The following ARNT2 variants were observed in gnomAD, a reference collection of about 807,000 sequenced individuals.
ARNT2 encodes aryl hydrocarbon receptor nuclear translocator 2.
Under a neutral mutation model 91.7 loss-of-function variants are expected in ARNT2, and 36 were observed. The ratio of observed to expected loss-of-function variants is 0.39; its 90% CI spans 0.30 to 0.52. The LOEUF is 0.52. ARNT2 is among the 20% of genes least tolerant of loss of function. The pLI, the probability that ARNT2 is intolerant of heterozygous loss-of-function variation, is 0.72. For missense variants in ARNT2, 775 were observed against 939.3 expected (o/e 0.83, Z 2.29); for synonymous variants, 365 against 347.1 (o/e 1.05, Z -0.57).
At chr15:80,435,844 A>G (rs556380164) in intron 1 of ARNT2, among the ~76,000 whole-genome samples, 1 of 151,826 alleles carries the variant, frequency 6.6e-6, no homozygotes, top group East Asian at 1.9e-4. Context: ...TGTCAAAAAT[A>G]TGTGTTGATG....
intron 17 of ARNT2, among the ~76,000 whole-genome samples, chr15:80,585,974 A>T (rs1898889176): frequency 6.6e-6 from 1 of 152,232 alleles, no homozygotes; most frequent in African/African-American, 2.4e-5. Context: ...TAGTTTCAGT[A>T]TCATGAAACA....
chr15:80,521,322 G>A (rs930883969), intron 8 of ARNT2, among the ~76,000 whole-genome samples: 20 of 152,068 alleles, frequency 1.3e-4, no homozygotes, highest in Non-Finnish European at 2.6e-4. Context: ...CAGGAGAAGA[G>A]TTAAAGCATA....
At chr15:80,574,282 C>T (rs996380272) in intron 13 of ARNT2, 62 bp downstream of exon 13, 1 of 1,496,330 alleles carries the variant, frequency 6.7e-7, no homozygotes, top group East Asian at 2.3e-5. Context: ...ACTTGGGACT[C>T]AATTCAGCCC....
intron 12 of ARNT2, among the ~76,000 whole-genome samples, chr15:80,571,239 C>T (rs2141474169): frequency 6.6e-6 from 1 of 152,306 alleles, no homozygotes; most frequent in Middle Eastern, 3.4e-3. Context: ...GAAAGTCAAG[C>T]AGAGACTGAC....
In ARNT2 at chr15:80,591,716, G is replaced by C; in HGVS notation, c.2055+12G>C. 1 of 1,613,588 alleles carries C rather than the reference G, an allele frequency of 6.2e-7. No homozygotes were observed. The highest frequency in any genetic ancestry group is 8.5e-7 in the Non-Finnish European group (1 of 1,179,698). The stretch of plus-strand genomic sequence containing the variant: ...CTGAAGTGTTCCAGGTAAATCGAGC[G>C]AGCACCGCCTTCTCGTAGGTACCGG... On this transcript the variant is annotated intron_variant, in intron 18 of 18. Coordinates refer to ENST00000303329, the MANE Select transcript of ARNT2 (RefSeq NM_014862.4). This position sits in a 1 kb window ranked among gnomAD's most constrained non-coding sequence, Gnocchi z 5.1.
chr15:80,583,187 T>A (rs1486819135), intron 17 of ARNT2, among the ~76,000 whole-genome samples: 2 of 152,154 alleles, frequency 1.3e-5, no homozygotes, highest in Non-Finnish European at 2.9e-5. Context: ...ATGGTCTGCG[T>A]GGGGGCCCTT....
intron 6 of ARNT2, among the ~76,000 whole-genome samples, 158 bp from the exon 7 acceptor site, chr15:80,513,753 G>T (rs951100002): frequency 2.0e-5 from 3 of 150,172 alleles, no homozygotes; most frequent in Non-Finnish European, 3.0e-5. Flanking sequence ...TCAAAGGCAT[G>T]CAGGTCTGCT....
chr15:80,576,429 A>G (rs180761479), intron 14 of ARNT2, among the ~76,000 whole-genome samples: 40 of 152,182 alleles, frequency 2.6e-4, no homozygotes, highest in African/African-American at 9.6e-4. Context: ...GATGGCTGCC[A>G]CCATGCCTGG....
At chr15:80,584,512 G>A (rs1898857213) in intron 17 of ARNT2, among the ~76,000 whole-genome samples, 1 of 152,018 alleles carries the variant, frequency 6.6e-6, no homozygotes, top group South Asian at 2.1e-4. Context: ...GAGCAGGTAA[G>A]AATGGGTGAG....
intron 1 of ARNT2, among the ~76,000 whole-genome samples, chr15:80,415,288 AT>A (rs2141556703): frequency 6.6e-6 from 1 of 152,358 alleles, no homozygotes; most frequent in South Asian, 2.1e-4. Flanking sequence ...CCAGACATTA[AT>A]TATTTTAATT....
chr15:80,442,802 T>C, intron 1 of ARNT2: 4 of 970,270 alleles, frequency 4.1e-6, no homozygotes, highest in Non-Finnish European at 4.9e-6. Context: ...ATCATATTTT[T>C]CTTCTGTCTC....
chr15:80,463,430 T>G (rs12908321), intron 3 of ARNT2, among the ~76,000 whole-genome samples: 1 of 151,982 alleles, frequency 6.6e-6, no homozygotes, highest in South Asian at 2.1e-4. Context: ...CTGGGTAGAA[T>G]TTGGTACAGT....
At chr15:80,508,125 G>A (rs1897298789) in intron 5 of ARNT2, 31 bp from the exon 6 acceptor site, 1 of 1,609,440 alleles carries the variant, frequency 6.2e-7, no homozygotes, top group Non-Finnish European at 8.5e-7. Context: ...GAAGGCAGAG[G>A]CTTACGTAAC....
intron 8 of ARNT2, among the ~76,000 whole-genome samples, chr15:80,535,534 A>G (rs1419164596): frequency 2.0e-5 from 3 of 152,244 alleles, no homozygotes; most frequent in Middle Eastern, 3.4e-3. Context: ...TTTGCTGTCT[A>G]TTTCCTAGTG....
intron 8 of ARNT2, among the ~76,000 whole-genome samples, chr15:80,549,601 A>G (rs1039692811): frequency 6.6e-6 from 1 of 152,246 alleles, no homozygotes; most frequent in Admixed American, 6.5e-5. Context: ...ATAAAAAGTA[A>G]TGTTCAAACT....
At chr15:80,429,961 G>C (rs562398899) in intron 1 of ARNT2, among the ~76,000 whole-genome samples, 1 of 152,228 alleles carries the variant, frequency 6.6e-6, no homozygotes, top group South Asian at 2.1e-4. Flanking sequence ...TCTCTCCTTT[G>C]GTAGTCACAT....
rs148350181 is a variant in ARNT2, at chr15:80,483,521, G to A, written c.622+8298G>A. ...GCTATCTAGGGCAGAGGCTGACTAG[G>A]CAGGGGAAATGTGTATGGCAGCAGA... On this transcript the variant is annotated intron_variant, in intron 5 of 18. Transcript: ENST00000303329. Among the ~76,000 whole-genome samples, 82 of 152,272 alleles carry A rather than the reference G, an allele frequency of 5.4e-4. 2 individuals carry two copies. In the East Asian group the frequency reaches 0.013, roughly 24 times the overall value.
Position 80,496,639 on chromosome 15 carries a change from G to T in ARNT2, c.623-11517G>T, listed in dbSNP as rs755393116. Among the ~76,000 whole-genome samples, 3 of 152,144 alleles carry T rather than the reference G, an allele frequency of 2.0e-5. No homozygotes were observed. In the East Asian group the frequency reaches 5.8e-4, roughly 29 times the overall value. On this transcript the variant is annotated intron_variant, in intron 5 of 18. Transcript: ENST00000303329. The stretch of plus-strand genomic sequence containing the variant: ...GAGGAGACGTATTAGTTGATAAGTG[G>T]CCCAGGTTACTAGGGGAGGGCCTGT...
intron 1 of ARNT2, among the ~76,000 whole-genome samples, chr15:80,435,385 C>T (rs900785979): frequency 9.2e-5 from 14 of 152,140 alleles, no homozygotes; most frequent in African/African-American, 3.4e-4. Context: ...TGAGAAGAGC[C>T]GTTATTGGGT....
Sources: gnomAD v4.1 joint callset for allele counts (sites outside exome capture counted in the v4.1 genomes callset) on GRCh38, gnomAD v4.1.1 for gene constraint, Gnocchi (gnomAD v3.1) non-coding constraint, MANE v1.5 for transcripts, NCBI Gene and HGNC (gene_info 2026-07-23, HGNC 2026-07-21) for gene names.